The following FYB2 variants were observed in gnomAD, a reference collection of about 807,000 sequenced individuals.
FYB2 encodes FYN-binding protein 2.
In FYB2, 103 loss-of-function variants were observed where a neutral mutation model predicts 94.1. The observed-to-expected ratio is 1.09, with a 90% CI of 0.93 to 1.29. FYB2 has a LOEUF of 1.29. Among genes scored for constraint, FYB2 ranks in the 50% most tolerant of loss-of-function variants. The pLI is 0.00. For missense variants in FYB2, 896 were observed against 841.5 expected (o/e 1.06, Z -0.80); for synonymous variants, 293 against 287.9 (o/e 1.02, Z -0.18).
At chr1:56,759,551 C>T (rs1194410187) in intron 5 of FYB2, among the ~76,000 whole-genome samples, 1 of 152,146 alleles carries the variant, frequency 6.6e-6, no homozygotes, top group Admixed American at 6.5e-5. Context: ...GTATTATCAT[C>T]TTATGGGACC....
upstream of FYB2, among the ~76,000 whole-genome samples, chr1:56,823,370 G>T (rs12083976): frequency 0.27 from 40,287 of 151,958 alleles, 5,453 homozygotes; most frequent in Middle Eastern, 0.3. Flanking sequence ...CAGGTGGGAA[G>T]CTAGGAAGGG....
intron 1 of FYB2, among the ~76,000 whole-genome samples, chr1:56,797,871 C>T (rs1646436023): frequency 6.6e-6 from 1 of 152,184 alleles, no homozygotes; most frequent in Non-Finnish European, 1.5e-5. Context: ...CAAAACCCAT[C>T]AGATGGTCTG....
intron 14 of FYB2, 123 bp from the exon 15 acceptor site, chr1:56,737,270 T>G: frequency 3.3e-6 from 2 of 603,584 alleles, no homozygotes; most frequent in Non-Finnish European, 2.8e-6. Flanking sequence ...TTTAGCAAAA[T>G]CTGATCATAA....
At chr1:56,783,764 G>A (rs1292699959) in intron 4 of FYB2, among the ~76,000 whole-genome samples, 2 of 152,114 alleles carry the variant, frequency 1.3e-5, no homozygotes, top group African/African-American at 4.8e-5. Flanking sequence ...GTATGTAAAT[G>A]TTTGGCCCAT....
chr1:56,740,817 A>G (rs1644934746), intron 12 of FYB2, 22 bp from the exon 13 acceptor site: 1 of 1,496,428 alleles, frequency 6.7e-7, no homozygotes, highest in Non-Finnish European at 9.2e-7. Context: ...CACAGGATAT[A>G]AGTAACATGG....
intron 7 of FYB2, 142 bp downstream of exon 7, chr1:56,755,754 C>T (rs1645312913): frequency 1.3e-6 from 1 of 766,798 alleles, no homozygotes; most frequent in East Asian, 2.5e-5. Context: ...TTCCTCTGTA[C>T]TAGGCACCTT....
At chr1:56,799,548 T>A (rs1457796383) in intron 1 of FYB2, among the ~76,000 whole-genome samples, 1 of 152,232 alleles carries the variant, frequency 6.6e-6, no homozygotes, top group Admixed American at 6.5e-5. Flanking sequence ...ATAAATTACA[T>A]GGCCATTGTG....
In FYB2 at chr1:56,720,270, A is replaced by T. The variant is rs779048051; in HGVS notation, c.2034T>A (p.Asn678Lys). The T allele has an allele frequency of 6.2e-7, 1 of 1,612,040 alleles. No individual in the cohort carries two copies. The highest frequency in any genetic ancestry group is 2.2e-5 in the East Asian group (1 of 44,722). ...GACTTATTGGCAAATCAAATATTCC[A>T]TTTCTTGAATTATTGGAACAGGCCA... Reference protein sequence around the residue: ...TAVACSNNSRNGIFDLPISPG... With the variant: ...TAVACSNNSRKGIFDLPISPG... Residue 678 changes from asparagine (N) to lysine (K), a missense_variant, in exon 18 of 20, where the codon AAT becomes AAA. Coordinates refer to ENST00000343433, the MANE Select transcript of FYB2 (RefSeq NM_001004303.5).
chr1:56,753,816 C>T (rs1645259141), intron 8 of FYB2, 23 bp downstream of exon 8: 1 of 1,530,106 alleles, frequency 6.5e-7, no homozygotes, highest in Middle Eastern at 1.7e-4. Context: ...GTCTAAACTG[C>T]AGGAACCGTA....
intron 1 of FYB2, among the ~76,000 whole-genome samples, chr1:56,813,770 A>G (rs935920957): frequency 5.9e-5 from 9 of 152,212 alleles, no homozygotes; most frequent in African/African-American, 2.2e-4. Context: ...CTTTAAACAT[A>G]TTAATTTATT....
chr1:56,787,308 G>C, intron 3 of FYB2, 100 bp from the exon 4 acceptor site: 1 of 1,438,262 alleles, frequency 7.0e-7, no homozygotes, highest in South Asian at 1.2e-5. Flanking sequence ...ATAATGTGGA[G>C]AGTGGAAGCT....
chr1:56,782,166 T>C (rs1231357045), intron 4 of FYB2, among the ~76,000 whole-genome samples: 1 of 152,170 alleles, frequency 6.6e-6, no homozygotes, highest in Non-Finnish European at 1.5e-5. Flanking sequence ...AGATTATTGT[T>C]AATTATTGTC....
intron 13 of FYB2, among the ~76,000 whole-genome samples, 189 bp from the exon 14 acceptor site, chr1:56,738,842 G>A (rs1269535201): frequency 6.6e-6 from 1 of 152,066 alleles, no homozygotes; most frequent in Non-Finnish European, 1.5e-5. Flanking sequence ...GATGTTATGG[G>A]AACACAAAGG....
At chr1:56,790,235 C>T (rs1037880438) in intron 2 of FYB2, among the ~76,000 whole-genome samples, 2 of 152,340 alleles carry the variant, frequency 1.3e-5, no homozygotes, top group South Asian at 2.1e-4. Flanking sequence ...CTGCTCTCCT[C>T]CACAAGCTGG....
intron 15 of FYB2, among the ~76,000 whole-genome samples, chr1:56,734,839 C>G (rs935564766): frequency 6.6e-6 from 1 of 151,802 alleles, no homozygotes; most frequent in Middle Eastern, 3.4e-3. Context: ...ATAAAATGAC[C>G]AATAAACATA....
upstream of FYB2, among the ~76,000 whole-genome samples, chr1:56,820,022 G>A (rs1646971662): frequency 6.6e-6 from 1 of 152,016 alleles, no homozygotes; most frequent in Non-Finnish European, 1.5e-5. Context: ...GAGGTCAGGA[G>A]TTTGAGACCA....
chr1:56,761,258 T>C (rs1332702589), intron 5 of FYB2, among the ~76,000 whole-genome samples: 3 of 152,208 alleles, frequency 2.0e-5, no homozygotes, highest in African/African-American at 7.2e-5. Context: ...TTTTTTATAC[T>C]TATAGATAGC....
intron 4 of FYB2, among the ~76,000 whole-genome samples, chr1:56,783,485 T>G (rs1376601395): frequency 6.6e-6 from 1 of 152,204 alleles, no homozygotes; most frequent in Non-Finnish European, 1.5e-5. Context: ...ACTCCTGTTT[T>G]ATACATTATG....
chr1:56,795,508 G>C (rs1557658414), intron 1 of FYB2, among the ~76,000 whole-genome samples: 1 of 152,096 alleles, frequency 6.6e-6, no homozygotes, highest in Non-Finnish European at 1.5e-5. Flanking sequence ...AAGTGAAATT[G>C]CTGGACTATA....
Sources: gnomAD v4.1 joint callset for allele counts (sites outside exome capture counted in the v4.1 genomes callset) on GRCh38, gnomAD v4.1.1 for gene constraint, MANE v1.5 for transcripts, NCBI Gene and HGNC (gene_info 2026-07-23, HGNC 2026-07-21) for gene names.